DRC3: variants seen among roughly 807,000 people sequenced by gnomAD.
The protein encoded by DRC3 is leucine rich repeat containing 48.
In DRC3, 45 loss-of-function variants were observed where a neutral mutation model predicts 57.6. The observed-to-expected ratio is 0.78, with a 90% CI of 0.62 to 1.00. DRC3 has a LOEUF of 1.00. DRC3 is among the 50% of genes least tolerant of loss of function. The pLI, the probability that DRC3 is intolerant of heterozygous loss-of-function variation, is 0.00. For synonymous variants in DRC3, 257 were observed against 272.3 expected (o/e 0.94, Z 0.55); for missense variants, 655 against 675.2 (o/e 0.97, Z 0.33).
At chr17:18,016,255 TCCTC>T in intron 13 of DRC3, 60 bp downstream of exon 13, 1 of 1,569,900 alleles carries the variant, frequency 6.4e-7, no homozygotes, top group Non-Finnish European at 8.8e-7. Flanking sequence ...GACATGGAAA[TCCTC>T]CCTAGGTAGT....
chr17:17,975,875 TG>T (rs2042363739), intron 2 of DRC3, among the ~76,000 whole-genome samples: 1 of 152,098 alleles, frequency 6.6e-6, no homozygotes, highest in Admixed American at 6.5e-5. Flanking sequence ...GGACATTTGA[TG>T]AGGGACAGTT....
At chr17:18,006,308 T>C in intron 11 of DRC3, 55 bp downstream of exon 11, 1 of 1,312,294 alleles carries the variant, frequency 7.6e-7, no homozygotes, top group Non-Finnish European at 1.1e-6. Flanking sequence ...GCCCCTGGGC[T>C]TGTCCCGGCC....
Position 17,988,071 on chromosome 17 carries a change from C to A in DRC3, c.417C>A (p.Gly139=). ...TCAAGCTGCAGGTGTTGTCGCTGGG[C>A]AACAACCGGATTGACAACATGATGA... ...ALVKLQVLSL[G]NNRIDNMMNI... is the part of the protein sequence containing the mutation. The change falls in exon 5 of 14, where the codon GGC becomes GGA. Residue 139 remains glycine (G), a synonymous_variant. Transcript: ENST00000399187. 6.2e-7 allele frequency: 1 copy of A among 1,613,882 alleles called. No homozygotes were observed. The highest frequency in any genetic ancestry group is 1.1e-5 in the South Asian group (1 of 91,068).
Position 17,972,982 on chromosome 17 carries a change from C to T in DRC3, c.-129+8C>T, listed in dbSNP as rs11078409. On this transcript the variant is annotated splice_region_variant and intron_variant, in intron 1 of 13. Coordinates refer to ENST00000399187, the MANE Select transcript of DRC3 (RefSeq NM_031294.4). The stretch of plus-strand genomic sequence containing the variant: ...TTCCCAGCGCTTGAGAAGGTGAGAC[C>T]TGGGAGCTGAGGCTCCCGGAGGACT... The T allele has an allele frequency of 6.6e-6, 1 of 151,952 alleles. No homozygotes were observed. Among genetic ancestry groups the T allele is most frequent in the Non-Finnish European group, 1.5e-5 (1 of 67,962 alleles). The allele number at this position is 151,952 out of a possible 1,614,324, so 9.4% of individuals were successfully genotyped here.
intron 3 of DRC3, among the ~76,000 whole-genome samples, chr17:17,982,866 G>A (rs145771015): frequency 3.9e-5 from 6 of 152,230 alleles, no homozygotes; most frequent in East Asian, 1.9e-4. Flanking sequence ...GAGCCACTGC[G>A]CCCATCCTTA....
chr17:17,974,809 A>G (rs1026947475), intron 2 of DRC3, among the ~76,000 whole-genome samples: 6 of 152,134 alleles, frequency 3.9e-5, no homozygotes, highest in African/African-American at 1.4e-4. Context: ...GTAGTTAAAT[A>G]TTTGTATTAT....
At chr17:17,978,761 G>A (rs2042514180) in intron 3 of DRC3, among the ~76,000 whole-genome samples, 1 of 152,180 alleles carries the variant, frequency 6.6e-6, no homozygotes, top group Admixed American at 6.5e-5. Context: ...CAGAACAGGT[G>A]CGGCAGGAGG....
intron 10 of DRC3, chr17:18,005,336 C>T (rs1312247864): frequency 6.6e-6 from 1 of 152,212 alleles, no homozygotes; most frequent in Non-Finnish European, 1.5e-5. Context: ...ACGAGAACAG[C>T]ACATACATGT....
At chr17:18,010,939 G>GTTTTT in intron 12 of DRC3, 3 of 235,678 alleles carry the variant, frequency 1.3e-5, no homozygotes, top group Non-Finnish European at 1.7e-5. Context: ...CAAGGATGAG[G>GTTTTT]TTTTTTTTTT....
intron 3 of DRC3, among the ~76,000 whole-genome samples, chr17:17,980,594 A>ATTTT (rs35688948): frequency 1.8e-5 from 2 of 108,460 alleles, no homozygotes; most frequent in Admixed American, 1.0e-4. Context: ...TGCGCCCAGC[A>ATTTT]TTTTTTTTTT....
At chr17:17,975,157 G>A (rs1345790563) in intron 2 of DRC3, among the ~76,000 whole-genome samples, 1 of 151,674 alleles carries the variant, frequency 6.6e-6, no homozygotes, top group African/African-American at 2.4e-5. Context: ...GGAGGGATAA[G>A]TCAGTTAAAG....
At chr17:18,003,484 TAAAAAAAAA>T (rs71155309) in intron 9 of DRC3, among the ~76,000 whole-genome samples, 14 of 30,106 alleles carry the variant, frequency 4.7e-4, no homozygotes, top group Non-Finnish European at 7.3e-4. Context: ...ACTACGTCTT[TAAAAAAAAA>T]AAAAAAAAAA....
At chr17:17,982,893 T>A (rs1228831003) in intron 3 of DRC3, among the ~76,000 whole-genome samples, 1 of 152,166 alleles carries the variant, frequency 6.6e-6, no homozygotes, top group African/African-American at 2.4e-5. Flanking sequence ...ATATTCTAAT[T>A]TTATAAATTT....
In DRC3 at chr17:17,995,076, G is replaced by C. The variant is rs2043401123; in HGVS notation, c.789G>C (p.Leu263=). ...CTGAGGACTCAGAGGGCAACAATCTGTCCTACCTGCCTGGTGTCGGTGAGC... is the reference window on the plus strand; with the variant it reads ...CTGAGGACTCAGAGGGCAACAATCTCTCCTACCTGCCTGGTGTCGGTGAGC... ...MYAEDSEGNN[L]SYLPGVGELL... The change falls in exon 8 of 14, where the codon CTG becomes CTC. Residue 263 remains leucine (L), a synonymous_variant. Coordinates refer to ENST00000399187, the MANE Select transcript of DRC3 (RefSeq NM_031294.4). 6.2e-7 allele frequency: 1 copy of C among 1,613,954 alleles called. No homozygotes were observed. The highest frequency in any genetic ancestry group is 8.5e-7 in the Non-Finnish European group (1 of 1,179,836).
rs947512314 is a variant in DRC3 at position 17,997,562 on chromosome 17, C to T, written c.927C>T (p.Val309=). The change falls in exon 9 of 14, where the codon GTC becomes GTT. Residue 309 remains valine (V), a synonymous_variant. Coordinates refer to ENST00000399187, the MANE Select transcript of DRC3 (RefSeq NM_031294.4). Reference sequence around the variant, plus strand: ...AGCTTGACACCTTCAGTGAATGTGTCCGTGAGGCCATCCAGGAAAACCAGG... The same window carrying T: ...AGCTTGACACCTTCAGTGAATGTGTTCGTGAGGCCATCCAGGAAAACCAGG... ...KTELDTFSEC[V]REAIQENQEQ... The T allele has an allele frequency of 3.7e-6, 6 of 1,610,254 alleles. No homozygotes were observed. The highest frequency in any genetic ancestry group is 1.1e-5 in the South Asian group (1 of 90,318).
In DRC3 at chr17:17,977,855, G is replaced by A. The variant is rs2042461720; in HGVS notation, c.160+97G>A. The A allele has an allele frequency of 3.7e-6, 5 of 1,338,458 alleles. No homozygotes were observed. In the South Asian group the frequency reaches 7.5e-5, roughly 20 times the overall value. 82.9% of individuals were successfully genotyped at this position (1,338,458 alleles called of 1,614,324 possible). On this transcript the variant is annotated intron_variant, in intron 3 of 13. Coordinates refer to ENST00000399187, the MANE Select transcript of DRC3 (RefSeq NM_031294.4). ...CCCAGGATTCCATGCAAAGTCCACG[G>A]TCGAGGTTCCCACATCAGCATTAGG...
At chr17:18,003,705 C>T (rs1464612478) in intron 9 of DRC3, among the ~76,000 whole-genome samples, 8 of 138,466 alleles carry the variant, frequency 5.8e-5, no homozygotes, top group Non-Finnish European at 9.2e-5. Flanking sequence ...TGCAGTGGCA[C>T]AATCTCGGCT....
At position 18,000,244 on chromosome 17, in the gene DRC3, G is replaced by A. The variant is rs555348597; in HGVS notation, c.999+2610G>A. Among the ~76,000 whole-genome samples, 15 of 125,272 alleles carry A rather than the reference G, an allele frequency of 1.2e-4. 1 individual carries two copies. Among genetic ancestry groups the A allele is most frequent in the African/African-American group, 2.7e-4 (8 of 29,832 alleles). 82.2% of individuals were successfully genotyped at this position (125,272 alleles called of 152,430 possible). A position where few individuals can be genotyped will look rare whatever the true frequency, so the allele number is the denominator to read the frequency against. On this transcript the variant is annotated intron_variant, in intron 9 of 13. Coordinates refer to ENST00000399187, the MANE Select transcript of DRC3 (RefSeq NM_031294.4). ...ATGCCGTTCTGTACTTTGCTTTCACGTGAGTGTGTGTGTGTGTGTGTGTGC... is the reference window on the plus strand; with the variant it reads ...ATGCCGTTCTGTACTTTGCTTTCACATGAGTGTGTGTGTGTGTGTGTGTGC...
rs541719863 is a variant in DRC3 at position 18,005,883 on chromosome 17, G to A, written c.1132-300G>A. 4 of 370,082 alleles carry A rather than the reference G, an allele frequency of 1.1e-5. No individual in the cohort carries two copies. In the South Asian group the frequency reaches 1.3e-4, roughly 12 times the overall value. The allele number at this position is 370,082 out of a possible 1,614,324, so 22.9% of individuals were successfully genotyped here. On this transcript the variant is annotated intron_variant, in intron 10 of 13. Transcript: ENST00000399187. Reference sequence around the variant, plus strand: ...ACCCAAAGGAGAGGGGGTTGGCTGTGTGTGTGTGTGTTGGGCAGGCAGGTA... The same window carrying A: ...ACCCAAAGGAGAGGGGGTTGGCTGTATGTGTGTGTGTTGGGCAGGCAGGTA...
Sources: gnomAD v4.1 joint callset for allele counts (sites outside exome capture counted in the v4.1 genomes callset) on GRCh38, gnomAD v4.1.1 for gene constraint, MANE v1.5 for transcripts, NCBI Gene and HGNC (gene_info 2026-07-23, HGNC 2026-07-21) for gene names.